Variants in MTHFSD observed in about 807,000 individuals in gnomAD.
The protein encoded by MTHFSD is methenyltetrahydrofolate synthase domain-containing protein.
A neutral mutation model predicts 31.1 loss-of-function variants in MTHFSD; 37 were observed. The observed-to-expected ratio is 1.19, with a 90% CI of 0.91 to 1.56. The LOEUF (loss-of-function observed/expected upper bound fraction) is 1.56. MTHFSD is among the 40% of genes most tolerant of loss of function. MTHFSD has a pLI of 0.00. For missense variants in MTHFSD, 664 were observed against 510.1 expected, an observed-to-expected ratio of 1.30 and a Z score of -2.91; for synonymous variants, 221 against 206.9, an observed-to-expected ratio of 1.07 and a Z score of -0.59.
At chr16:86,535,205 A>G (rs201531628) in intron 7 of MTHFSD, 21 of 984,210 alleles carry the variant, frequency 2.1e-5, no homozygotes, top group Non-Finnish European at 2.3e-5. Context: ...TGGCATCCGC[A>G]GGGGCCGTTA....
intron 3 of MTHFSD, 55 bp from the exon 4 acceptor site, chr16:86,548,632 T>C (rs1597372046): frequency 7.2e-7 from 1 of 1,389,966 alleles, no homozygotes; most frequent in South Asian, 1.3e-5. Flanking sequence ...CCATAGGACT[T>C]TCTTATATGT....
intron 7 of MTHFSD, among the ~76,000 whole-genome samples, chr16:86,536,105 A>G (rs893085527): frequency 1.3e-5 from 2 of 152,192 alleles, no homozygotes; most frequent in African/African-American, 2.4e-5. Context: ...TCCTCTTGCC[A>G]TGGCCCCCCA....
chr16:86,533,957 G>C (rs1378626114), intron 7 of MTHFSD, among the ~76,000 whole-genome samples: 1 of 152,176 alleles, frequency 6.6e-6, no homozygotes, highest in African/African-American at 2.4e-5. Context: ...CTTTTGCTTT[G>C]GTCAGAGTCC....
Position 86,532,074 on chromosome 16 carries a change from C to T in MTHFSD, c.1089G>A (p.Gln363=). Reference sequence around the variant, plus strand: ...GGGTGTCGGTGCCCAGGCGCAGGCCCTGCAAGCAGGAGACGGCCTGCTGGG... The same window carrying T: ...GGGTGTCGGTGCCCAGGCGCAGGCCTTGCAAGCAGGAGACGGCCTGCTGGG... ...AAAQQAVSCL[Q]GLRLGTDTLR... is the part of the protein sequence containing the mutation. Residue 363 remains glutamine, a synonymous_variant, in exon 8 of 8, where the codon CAG becomes CAA. Transcript: ENST00000360900. 1 of 1,528,056 alleles carries T rather than the reference C, an allele frequency of 6.5e-7. No homozygotes were observed. The allele number at this position is 1,528,056 out of a possible 1,614,324, so 94.7% of individuals were successfully genotyped here. A position where few individuals can be genotyped will look rare whatever the true frequency, so the allele number is the denominator to read the frequency against.
intron 7 of MTHFSD, chr16:86,540,574 T>C (rs1219426068): frequency 5.8e-6 from 4 of 689,210 alleles, no homozygotes; most frequent in Non-Finnish European, 5.4e-6. Context: ...TCGCTGTGGC[T>C]AATGCCCTTG....
intron 7 of MTHFSD, among the ~76,000 whole-genome samples, chr16:86,538,706 GAC>G (rs1440512686): frequency 6.6e-6 from 1 of 152,208 alleles, no homozygotes; most frequent in Non-Finnish European, 1.5e-5. Context: ...AATGGAGCTG[GAC>G]GAACTGCCCA....
At chr16:86,553,652 T>C in intron 2 of MTHFSD, 1 of 155,870 alleles carries the variant, frequency 6.4e-6, no homozygotes, top group Non-Finnish European at 1.4e-5. Flanking sequence ...ACCGGCGGGC[T>C]CCTGTGCAGC....
rs113618005 is a variant in MTHFSD at position 86,539,379 on chromosome 16, G to A, written c.681+2318C>T. ...CAGAGAAAGAAGAAACATGCATGGCGTCCAGGAAGATTTCTCAACTTTATT... is the reference window on the plus strand; with the variant it reads ...CAGAGAAAGAAGAAACATGCATGGCATCCAGGAAGATTTCTCAACTTTATT... On this transcript the variant is annotated intron_variant, in intron 7 of 7. Coordinates refer to ENST00000360900, the MANE Select transcript of MTHFSD (RefSeq NM_001159377.2). Among the ~76,000 whole-genome samples the A allele has an allele frequency of 5.0e-3, 759 of 152,342 alleles. 4 individuals are homozygous for A. The highest frequency in any genetic ancestry group is 7.6e-3 in the Non-Finnish European group (517 of 68,036).
chr16:86,541,040 G>A lies in MTHFSD; in HGVS notation c.681+657C>T, dbSNP rs563954881. 1.2e-4 allele frequency: 142 copies of A among 1,210,636 alleles called. 1 individual carries two copies. The highest frequency in any genetic ancestry group is 9.5e-4 in the Admixed American group (32 of 33,678). The allele number at this position is 1,210,636 out of a possible 1,614,324, so 75.0% of individuals were successfully genotyped here. ...ATTAAAGAATGGGAGACGTGGACACGTATGCTTATTTGACCAGTAGTTTTG... is the reference window on the plus strand; with the variant it reads ...ATTAAAGAATGGGAGACGTGGACACATATGCTTATTTGACCAGTAGTTTTG... On this transcript the variant is annotated intron_variant, in intron 7 of 7. Coordinates refer to ENST00000360900, the MANE Select transcript of MTHFSD (RefSeq NM_001159377.2).
chr16:86,543,606 A>G (rs1971839068), intron 5 of MTHFSD, among the ~76,000 whole-genome samples: 2 of 152,234 alleles, frequency 1.3e-5, no homozygotes, highest in African/African-American at 2.4e-5. Flanking sequence ...CAGTGCTGAC[A>G]GGAAGGGGCT....
intron 2 of MTHFSD, among the ~76,000 whole-genome samples, chr16:86,554,215 T>C (rs538812605): frequency 6.6e-6 from 1 of 152,188 alleles, no homozygotes; most frequent in Non-Finnish European, 1.5e-5. Flanking sequence ...TGCAACACTC[T>C]CTGCTAAGGT....
chr16:86,549,273 C>T lies in MTHFSD; in HGVS notation c.238-696G>A, dbSNP rs201832924. ...AGCCTTCCAGTGACTCTGATGCACA[C>T]GAAAGTTTGAAAACCACTGGCTGAG... On this transcript the variant is annotated intron_variant, in intron 3 of 7. Coordinates refer to ENST00000360900, the MANE Select transcript of MTHFSD (RefSeq NM_001159377.2). 3.9e-5 allele frequency among the ~76,000 whole-genome samples: 6 copies of T among 152,310 alleles called. No homozygotes were observed. The East Asian group carries it at 7.7e-4, about 20-fold the overall frequency.
chr16:86,552,815 C>T (rs964295284), intron 2 of MTHFSD, among the ~76,000 whole-genome samples: 7 of 152,172 alleles, frequency 4.6e-5, no homozygotes, highest in Admixed American at 3.3e-4. Flanking sequence ...GAAGGTGGAG[C>T]TTGTTGTGGA....
chr16:86,537,125 T>C (rs1970812888), intron 7 of MTHFSD, among the ~76,000 whole-genome samples: 1 of 152,178 alleles, frequency 6.6e-6, no homozygotes, highest in South Asian at 2.1e-4. Flanking sequence ...AATTTACTAT[T>C]TTTTTCCTAA....
intron 5 of MTHFSD, among the ~76,000 whole-genome samples, chr16:86,543,384 T>C (rs577731498): frequency 1.1e-4 from 17 of 152,118 alleles, no homozygotes; most frequent in African/African-American, 3.1e-4. Context: ...CTCCGAGGCA[T>C]TGGCCCCCAT....
At position 86,546,572 on chromosome 16, in the gene MTHFSD, G is replaced by A. The variant is rs553944022; in HGVS notation, c.429C>T (p.Ala143=). 9.9e-6 allele frequency: 16 copies of A among 1,613,870 alleles called. No individual in the cohort carries two copies. In the African/African-American group the frequency reaches 1.7e-4, roughly 17 times the overall value. The change falls in exon 5 of 8, where the codon GCC becomes GCT. Residue 143 remains alanine, a synonymous_variant. Coordinates refer to ENST00000360900, the MANE Select transcript of MTHFSD (RefSeq NM_001159377.2). The part of the protein sequence containing the change: ...LVDLVVVGSV[A]VSEKGWRIGK... ...TGCTAGTCTTACCTTTTTCAGAAAC[G>A]GCGACGGATCCCACCACAACTAAAT...
intron 7 of MTHFSD, chr16:86,540,632 C>T: frequency 2.0e-6 from 2 of 979,276 alleles, no homozygotes; most frequent in Non-Finnish European, 2.4e-6. Context: ...AGCCGCCAGC[C>T]TTATGCTCTG....
intron 7 of MTHFSD, chr16:86,541,285 C>T (rs1416573582): frequency 4.8e-6 from 5 of 1,034,236 alleles, no homozygotes; most frequent in East Asian, 6.1e-5. Flanking sequence ...AGATCCAGAT[C>T]GTCAGTAAAA....
intron 2 of MTHFSD, among the ~76,000 whole-genome samples, chr16:86,554,195 C>G (rs1030587978): frequency 1.3e-5 from 2 of 152,278 alleles, no homozygotes; most frequent in Middle Eastern, 3.4e-3. Context: ...TCCACCCTGC[C>G]TTTGTGAGCT....
Sources: allele counts gnomAD v4.1 joint callset (sites outside exome capture counted in the v4.1 genomes callset), GRCh38; gene constraint gnomAD v4.1.1; transcripts MANE v1.5; gene names NCBI Gene and HGNC (gene_info 2026-07-23, HGNC 2026-07-21).